The following TENM2 variants were observed in gnomAD, a reference collection of about 807,000 sequenced individuals.
TENM2 encodes the protein teneurin transmembrane protein 2.
In TENM2, 52 loss-of-function variants were observed where a neutral mutation model predicts 245.2. The ratio of observed to expected loss-of-function variants is 0.21; its 90% confidence interval spans 0.17 to 0.27. The LOEUF (loss-of-function observed/expected upper bound fraction) is 0.27, where lower values mean the gene tolerates loss of function less well. Among genes scored for constraint, TENM2 ranks in the 10% least tolerant of loss-of-function variants. The pLI is 1.00. For missense variants in TENM2, 3,046 were observed against 3,666.8 expected (o/e 0.83, Z 4.37); for synonymous variants, 1,363 against 1,438.9 (o/e 0.95, Z 1.19).
intron 7 of TENM2, among the ~76,000 whole-genome samples, chr5:168,064,295 G>A (rs991561108): frequency 6.6e-6 from 1 of 152,266 alleles, no homozygotes; most frequent in African/African-American, 2.4e-5. Flanking sequence ...GCATTATTGA[G>A]GTAACTGTGA....
chr5:167,268,160 G>A, the TENM2 span, among the ~76,000 whole-genome samples: 1 of 152,172 alleles, frequency 6.6e-6, no homozygotes, highest in Non-Finnish European at 1.5e-5. Context: ...AGATGGAAAA[G>A]TGGTATAAGA....
rs1772875391 is a variant in TENM2 at position 167,550,698 on chromosome 5, TAGTGTGTGTG to T, written c.502+175226_502+175235del. 2.9e-5 allele frequency among the ~76,000 whole-genome samples: 3 copies of T among 102,496 alleles called. 1 individual carries two copies. Among genetic ancestry groups the T allele is most frequent in the Non-Finnish European group, 4.0e-5 (2 of 49,448 alleles). 67.2% of individuals were successfully genotyped at this position (102,496 alleles called of 152,430 possible). A position where few individuals can be genotyped will look rare whatever the true frequency, so the allele number is the denominator to read the frequency against. ...CAATTACCTTTTTTTTTGTTGTTGT[TAGTGTGTGTG>T]TGTGTGTGTGTGTGTGTGTGTGTGT... On this transcript the variant is annotated intron_variant, in intron 2 of 28. Transcript: ENST00000518659.
chr5:167,568,638 G>A (rs532419957), intron 2 of TENM2, among the ~76,000 whole-genome samples: 138 of 147,246 alleles, frequency 9.4e-4, no homozygotes, highest in African/African-American at 3.3e-3. Context: ...CAGACAGGCA[G>A]AGACCATGGT....
At chr5:167,241,495 A>G in the TENM2 span, among the ~76,000 whole-genome samples, 1 of 152,224 alleles carries the variant, frequency 6.6e-6, no homozygotes, top group Non-Finnish European at 1.5e-5. Flanking sequence ...GCAGAGAGGC[A>G]GACAGGCAAA....
chr5:167,909,068 C>CTT (rs66529660), intron 3 of TENM2, among the ~76,000 whole-genome samples: 2 of 135,528 alleles, frequency 1.5e-5, no homozygotes, highest in African/African-American at 2.7e-5. Context: ...TTTTCTCTCT[C>CTT]TTTTTTTTTT....
chr5:167,972,958 C>A (rs1781904903), intron 4 of TENM2, among the ~76,000 whole-genome samples: 1 of 151,964 alleles, frequency 6.6e-6, no homozygotes, highest in African/African-American at 2.4e-5. Flanking sequence ...CCAGACTGTG[C>A]TACAGCATGG....
At chr5:167,783,004 T>A (rs1692059339) in intron 2 of TENM2, among the ~76,000 whole-genome samples, 1 of 152,130 alleles carries the variant, frequency 6.6e-6, no homozygotes, top group South Asian at 2.1e-4. Flanking sequence ...TGCCTCCACT[T>A]GGCTTGATAT....
the TENM2 span, among the ~76,000 whole-genome samples, chr5:167,207,879 G>A: frequency 2.0e-5 from 3 of 152,144 alleles, no homozygotes; most frequent in South Asian, 4.2e-4. Context: ...TCAGCCTCCC[G>A]AGTAGCTGAG....
At chr5:167,640,872 T>C (rs867861938) in intron 2 of TENM2, among the ~76,000 whole-genome samples, 78 of 47,068 alleles carry the variant, frequency 1.7e-3, no homozygotes, top group African/African-American at 8.2e-3. Flanking sequence ...TATATATATA[T>C]ATATATATAT....
the TENM2 span, among the ~76,000 whole-genome samples, chr5:167,220,882 A>G: frequency 6.6e-6 from 1 of 151,688 alleles, no homozygotes; most frequent in East Asian, 1.9e-4. Flanking sequence ...GCTGGAGTGC[A>G]GTGGCTCAAT....
chr5:167,816,012 TTCTC>T (rs1561813041), intron 2 of TENM2, among the ~76,000 whole-genome samples: 2 of 144,978 alleles, frequency 1.4e-5, no homozygotes, highest in African/African-American at 5.1e-5. Context: ...GTGTGTGTGT[TTCTC>T]CTCTGATGTA....
chr5:167,948,429 T>C (rs1779814256), intron 3 of TENM2, among the ~76,000 whole-genome samples: 1 of 152,232 alleles, frequency 6.6e-6, no homozygotes, highest in Non-Finnish European at 1.5e-5. Context: ...ATTCAAGCCC[T>C]TGATTTTTAA....
At chr5:168,023,467 G>A (rs1422118745) in intron 5 of TENM2, among the ~76,000 whole-genome samples, 3 of 152,180 alleles carry the variant, frequency 2.0e-5, no homozygotes, top group Non-Finnish European at 2.9e-5. Context: ...GCAGAGCAGG[G>A]CTGGCTTTGG....
At chr5:167,109,193 A>G in the TENM2 span, among the ~76,000 whole-genome samples, 1 of 152,002 alleles carries the variant, frequency 6.6e-6, no homozygotes, top group African/African-American at 2.4e-5. Flanking sequence ...ATACAGCTAG[A>G]CCTTATGGGC....
At chr5:167,757,152 T>G (rs2150683633) in intron 2 of TENM2, among the ~76,000 whole-genome samples, 1 of 152,124 alleles carries the variant, frequency 6.6e-6, no homozygotes, top group South Asian at 2.1e-4. Flanking sequence ...GCAGTTTTGT[T>G]ACATAGGTAT....
chr5:167,659,728 A>G (rs1755079307), intron 2 of TENM2, among the ~76,000 whole-genome samples: 1 of 152,166 alleles, frequency 6.6e-6, no homozygotes, highest in Non-Finnish European at 1.5e-5. Context: ...CTGGGATCAC[A>G]GGGAAAAAAA....
chr5:167,539,502 C>T (rs945174693), intron 2 of TENM2, among the ~76,000 whole-genome samples: 28 of 152,046 alleles, frequency 1.8e-4, no homozygotes, highest in Middle Eastern at 6.8e-3. Context: ...AAAATATTTT[C>T]CATTCTGTTA....
chr5:167,000,736 A>G, the TENM2 span, among the ~76,000 whole-genome samples: 1 of 152,174 alleles, frequency 6.6e-6, no homozygotes, highest in African/African-American at 2.4e-5. Flanking sequence ...TTGTTTTTTA[A>G]ATGAATGAAT....
intron 25 of TENM2, among the ~76,000 whole-genome samples, chr5:168,228,609 G>GAATT (rs1280256057): frequency 4.2e-5 from 6 of 144,542 alleles, no homozygotes. Context: ...TGCACTCAAG[G>GAATT]AATTGAGGGT....
Sources: allele counts gnomAD v4.1 joint callset (sites outside exome capture counted in the v4.1 genomes callset), GRCh38; gene constraint gnomAD v4.1.1; transcripts MANE v1.5; gene names NCBI Gene and HGNC (gene_info 2026-07-23, HGNC 2026-07-21).